The following MEGF11 variants were observed in gnomAD, a reference collection of about 807,000 sequenced individuals.
MEGF11 encodes the protein multiple epidermal growth factor-like domains protein 11.
Under a neutral mutation model 146.6 loss-of-function variants are expected in MEGF11, and 126 were observed. That is an observed-to-expected ratio of 0.86 (90% CI 0.74 to 1.00). The LOEUF (loss-of-function observed/expected upper bound fraction) is 1.00, where lower values mean the gene tolerates loss of function less well. Among genes scored for constraint, MEGF11 ranks in the 50% least tolerant of loss-of-function variants. The pLI, the probability that MEGF11 is intolerant of heterozygous loss-of-function variation, is 0.00. For missense variants in MEGF11, 1,509 were observed against 1,521.2 expected, an observed-to-expected ratio of 0.99 and a Z score of 0.13; for synonymous variants, 532 against 583.4, an observed-to-expected ratio of 0.91 and a Z score of 1.27.
At chr15:66,016,641 A>G (rs1449763734) in intron 5 of MEGF11, among the ~76,000 whole-genome samples, 1 of 152,248 alleles carries the variant, frequency 6.6e-6, no homozygotes, top group Admixed American at 6.5e-5. Flanking sequence ...ACAGCTGAAT[A>G]TCACCTTCAA....
chr15:66,125,155 C>T (rs534631578), intron 2 of MEGF11, among the ~76,000 whole-genome samples: 6 of 152,284 alleles, frequency 3.9e-5, no homozygotes, highest in African/African-American at 1.4e-4. Flanking sequence ...GTCAACAATG[C>T]TCAGAGGCCT....
chr15:66,204,525 AG>A (rs1354874304), intron 1 of MEGF11, among the ~76,000 whole-genome samples: 10 of 152,214 alleles, frequency 6.6e-5, no homozygotes. Context: ...GTGGTAGAAA[AG>A]GCATGTGCAC....
At chr15:65,919,007 G>C (rs945982215) in intron 15 of MEGF11, among the ~76,000 whole-genome samples, 1 of 152,210 alleles carries the variant, frequency 6.6e-6, no homozygotes, top group Non-Finnish European at 1.5e-5. Context: ...GAGCAGCACA[G>C]AGAATGATGG....
intron 1 of MEGF11, among the ~76,000 whole-genome samples, chr15:66,142,298 C>T (rs1204224613): frequency 6.6e-6 from 1 of 152,194 alleles, no homozygotes; most frequent in Non-Finnish European, 1.5e-5. Flanking sequence ...TGGAATTCTG[C>T]TACCACTTCT....
At chr15:66,140,135 T>C (rs992226015) in intron 1 of MEGF11, among the ~76,000 whole-genome samples, 2 of 152,130 alleles carry the variant, frequency 1.3e-5, no homozygotes, top group African/African-American at 4.8e-5. Context: ...TCAGCTTAAT[T>C]TCCCTCCCTT....
intron 9 of MEGF11, among the ~76,000 whole-genome samples, chr15:65,963,722 A>G (rs1397426541): frequency 6.6e-6 from 1 of 152,082 alleles, no homozygotes; most frequent in Non-Finnish European, 1.5e-5. Context: ...TGGCTCTAGC[A>G]CCCTCTCTGG....
intron 1 of MEGF11, among the ~76,000 whole-genome samples, chr15:66,156,735 G>A (rs1408299374): frequency 6.6e-6 from 1 of 152,160 alleles, no homozygotes; most frequent in East Asian, 1.9e-4. Context: ...TCCCTAGTCT[G>A]GTGAACTCAC....
chr15:66,128,495 G>A (rs1315562542), intron 1 of MEGF11, 84 bp from the exon 2 acceptor site: 24 of 718,626 alleles, frequency 3.3e-5, no homozygotes, highest in Non-Finnish European at 5.0e-5. Context: ...CGTGGGTAAT[G>A]AGCATTTGAT....
intron 5 of MEGF11, among the ~76,000 whole-genome samples, chr15:66,012,882 G>C (rs2082754202): frequency 1.3e-5 from 2 of 152,346 alleles, no homozygotes; most frequent in South Asian, 4.1e-4. Flanking sequence ...GATGATGATG[G>C]GCCAGCCCCC....
intron 8 of MEGF11, 69 bp downstream of exon 8, chr15:65,970,484 G>A: frequency 6.5e-7 from 1 of 1,526,978 alleles, no homozygotes; most frequent in South Asian, 1.2e-5. Context: ...GCTATGAGCT[G>A]TTCTCTGCAA....
At position 65,938,159 on chromosome 15, in the gene MEGF11, G is replaced by T. The variant is rs968193828; in HGVS notation, c.1288-7216C>A. On this transcript the variant is annotated intron_variant, in intron 10 of 25. Coordinates refer to ENST00000395614, the MANE Select transcript of MEGF11 (RefSeq NM_001385028.1). Reference sequence around the variant, plus strand: ...CACCTGTCCTAATGGTGGGTAGATAGCCCATGATGCTAGAGCTGAAAGGGA... The same window carrying T: ...CACCTGTCCTAATGGTGGGTAGATATCCCATGATGCTAGAGCTGAAAGGGA... Among the ~76,000 whole-genome samples the T allele has an allele frequency of 3.9e-5, 6 of 152,348 alleles. No homozygotes were observed. In the East Asian group the frequency reaches 1.2e-3, roughly 29 times the overall value.
intron 1 of MEGF11, among the ~76,000 whole-genome samples, chr15:66,203,839 G>A (rs113399151): frequency 1.3e-5 from 2 of 152,212 alleles, no homozygotes; most frequent in African/African-American, 4.8e-5. Context: ...TATTAATTTT[G>A]TCAGTTGCAA....
At chr15:65,905,782 G>C (rs1297528716) in intron 24 of MEGF11, 1 of 275,528 alleles carries the variant, frequency 3.6e-6, no homozygotes, top group South Asian at 1.1e-4. Flanking sequence ...AATTTAACTC[G>C]TACTAATTGG....
intron 5 of MEGF11, among the ~76,000 whole-genome samples, chr15:65,991,658 G>A (rs1383520881): frequency 6.6e-6 from 1 of 152,180 alleles, no homozygotes; most frequent in Non-Finnish European, 1.5e-5. Flanking sequence ...ATTGTGAAAG[G>A]TGAAGTTGAG....
intron 15 of MEGF11, among the ~76,000 whole-genome samples, chr15:65,919,843 C>T (rs570154448): frequency 2.0e-5 from 3 of 152,230 alleles, no homozygotes; most frequent in Non-Finnish European, 4.4e-5. Context: ...TGGTCTCGAA[C>T]TCCTGACCTC....
At chr15:66,078,637 G>T (rs1012205190) in intron 5 of MEGF11, among the ~76,000 whole-genome samples, 15 of 152,300 alleles carry the variant, frequency 9.8e-5, no homozygotes, top group African/African-American at 3.6e-4. Flanking sequence ...GGTGCAGTTC[G>T]TGAGTCCCCT....
intron 1 of MEGF11, among the ~76,000 whole-genome samples, chr15:66,171,154 T>C (rs2090243232): frequency 6.6e-6 from 1 of 152,246 alleles, no homozygotes; most frequent in African/African-American, 2.4e-5. Context: ...GTTGCTGCTG[T>C]GGCTCTTGTT....
At chr15:65,905,763 T>G (rs1406318724) in intron 24 of MEGF11, 1 of 225,506 alleles carries the variant, frequency 4.4e-6, no homozygotes, top group Non-Finnish European at 8.6e-6. Flanking sequence ...TATTTCAGAT[T>G]TTATAATCAA....
intron 1 of MEGF11, among the ~76,000 whole-genome samples, chr15:66,240,348 A>T (rs1219912676): frequency 2.0e-5 from 3 of 152,228 alleles, no homozygotes; most frequent in Admixed American, 6.5e-5. Context: ...CTGCCTTTGC[A>T]ACACTTCCCC....
Sources: gnomAD v4.1 joint callset for allele counts (sites outside exome capture counted in the v4.1 genomes callset) on GRCh38, gnomAD v4.1.1 for gene constraint, MANE v1.5 for transcripts, NCBI Gene and HGNC (gene_info 2026-07-23, HGNC 2026-07-21) for gene names.